Variants in ZNF143 observed in about 807,000 individuals in gnomAD.
ZNF143 encodes the protein SPH-binding factor.
A neutral mutation model predicts 74.1 loss-of-function variants in ZNF143; 49 were observed. The ratio of observed to expected loss-of-function variants is 0.66; its 90% CI spans 0.53 to 0.84. ZNF143 has a LOEUF of 0.84. ZNF143 is among the 40% of genes least tolerant of loss of function. The pLI, the probability that ZNF143 is intolerant of heterozygous loss-of-function variation, is 0.00. For missense variants in ZNF143, 637 were observed against 793.4 expected (o/e 0.80, Z 2.37); for synonymous variants, 304 against 282.8 (o/e 1.07, Z -0.75).
Position 9,528,372 on chromosome 11 carries a change from A to G in ZNF143, c.*759A>G, listed in dbSNP as rs2134303188. 6.6e-6 allele frequency: 1 copy of G among 152,328 alleles called. No homozygotes were observed. Among genetic ancestry groups the G allele is most frequent in the Middle Eastern group, 3.4e-3 (1 of 294 alleles). The allele number at this position is 152,328 out of a possible 1,614,324, so 9.4% of individuals were successfully genotyped here. ...GTTTAACCACAGGCTGGTGCCCGGG[A>G]TAACAGTACTGTAATTGGAAATGGC... On this transcript the variant is annotated 3_prime_UTR_variant, in exon 16 of 16. Transcript: ENST00000396602.
At chr11:9,480,787 T>G in intron 7 of ZNF143, among the ~76,000 whole-genome samples, 1 of 150,906 alleles carries the variant, frequency 6.6e-6, no homozygotes, top group African/African-American at 2.4e-5. Flanking sequence ...CTCAGGAGGC[T>G]GAGGCAGGAG....
intron 11 of ZNF143, among the ~76,000 whole-genome samples, chr11:9,504,974 CTTTT>C (rs111642415): frequency 4.1e-5 from 3 of 73,456 alleles, no homozygotes; most frequent in Admixed American, 1.6e-4. Context: ...CGCCCAGCCT[CTTTT>C]TTTTTTTTTT....
intron 7 of ZNF143, among the ~76,000 whole-genome samples, chr11:9,485,620 A>G (rs965908454): frequency 1.3e-5 from 2 of 151,506 alleles, no homozygotes; most frequent in Admixed American, 6.6e-5. Flanking sequence ...GATTATAGGC[A>G]GGAGCCACCG....
In ZNF143 at chr11:9,510,136, T is replaced by A. The variant is rs10840251; in HGVS notation, c.1375+1290T>A. On this transcript the variant is annotated intron_variant, in intron 12 of 15. Coordinates refer to ENST00000396602, the MANE Select transcript of ZNF143 (RefSeq NM_003442.6). ...TCCTATATTCTTTTTTTTTTTTTTT[T>A]ATTTTTGAGATGGAGTCTCGCTCTG... Among the ~76,000 whole-genome samples, 223 of 150,752 alleles carry A rather than the reference T, an allele frequency of 1.5e-3. 8 individuals are homozygous for A. The East Asian group carries it at 0.038, about 26-fold the overall frequency.
intron 7 of ZNF143, among the ~76,000 whole-genome samples, chr11:9,490,499 T>C (rs930947521): frequency 6.6e-6 from 1 of 151,786 alleles, no homozygotes; most frequent in Non-Finnish European, 1.5e-5. Context: ...TTGCCCAGGC[T>C]GGTTTCCAAC....
chr11:9,474,721 G>A lies in ZNF143; in HGVS notation c.373+88G>A, dbSNP rs1590515023. On this transcript the variant is annotated intron_variant, in intron 5 of 15. Transcript: ENST00000396602. ...ACCTGTGTTTAGCTTCTGAATTGTT[G>A]TCATGGGAAAGAATTGTATTTATTC... 3.1e-6 allele frequency: 4 copies of A among 1,276,692 alleles called. No individual in the cohort carries two copies. The East Asian group carries it at 7.2e-5, about 23-fold the overall frequency. The allele number at this position is 1,276,692 out of a possible 1,614,324, so 79.1% of individuals were successfully genotyped here. A position where few individuals can be genotyped will look rare whatever the true frequency, so the allele number is the denominator to read the frequency against.
At chr11:9,489,800 A>T (rs898063482) in intron 7 of ZNF143, among the ~76,000 whole-genome samples, 1 of 152,148 alleles carries the variant, frequency 6.6e-6, no homozygotes, top group African/African-American at 2.4e-5. Flanking sequence ...CTTAATTTGG[A>T]GTCTTCAATT....
At chr11:9,518,882 T>C (rs770671448) in intron 14 of ZNF143, among the ~76,000 whole-genome samples, 1 of 152,218 alleles carries the variant, frequency 6.6e-6, no homozygotes, top group Non-Finnish European at 1.5e-5. Flanking sequence ...ACTGTACTCT[T>C]GCATTGAGGA....
chr11:9,497,767 G>T lies in ZNF143; in HGVS notation c.934G>T (p.Gly312Ter), dbSNP rs1344269182. ...DNCTKSFKTS[G>*]DLQKHIRTHT... ...TTGTACTAAATCTTTCAAAACTTCA[G>T]GAGATCTACAGAAACACATCAGAAC... Residue 312 changes from glycine (G) to a stop codon, truncating the protein, a stop_gained, in exon 10 of 16, where the codon GGA becomes TGA. Coordinates refer to ENST00000396602, the MANE Select transcript of ZNF143 (RefSeq NM_003442.6). LOFTEE classifies it high-confidence loss of function. 6.2e-7 allele frequency: 1 copy of T among 1,611,210 alleles called. No homozygotes were observed. The highest frequency in any genetic ancestry group is 8.5e-7 in the Non-Finnish European group (1 of 1,178,510).
At chr11:9,461,630 C>G (rs1217624646) in intron 1 of ZNF143, 1 of 151,766 alleles carries the variant, frequency 6.6e-6, no homozygotes, top group East Asian at 1.9e-4. Context: ...CCCCCTCACC[C>G]TTTCTTCTAT....
intron 5 of ZNF143, 126 bp downstream of exon 5, chr11:9,474,759 G>A: frequency 3.9e-6 from 4 of 1,024,594 alleles, no homozygotes; most frequent in Non-Finnish European, 4.3e-6. Flanking sequence ...TAAAGTACAA[G>A]GTGGCAGATT....
At chr11:9,520,688 C>T (rs1174432647) in intron 14 of ZNF143, among the ~76,000 whole-genome samples, 1 of 152,172 alleles carries the variant, frequency 6.6e-6, no homozygotes, top group Non-Finnish European at 1.5e-5. Context: ...ACTCAGGAGG[C>T]TGAGGCAGGA....
intron 12 of ZNF143, among the ~76,000 whole-genome samples, chr11:9,510,714 A>G (rs1397772257): frequency 6.6e-6 from 1 of 151,614 alleles, no homozygotes; most frequent in Non-Finnish European, 1.5e-5. Flanking sequence ...TTAGCATATT[A>G]TGTCCTTTGA....
chr11:9,480,314 A>G (rs905283113), intron 7 of ZNF143, among the ~76,000 whole-genome samples: 4 of 152,142 alleles, frequency 2.6e-5, no homozygotes, highest in South Asian at 2.1e-4. Flanking sequence ...TTGTATAATC[A>G]TTGTAGTACA....
chr11:9,471,382 A>T lies in ZNF143; in HGVS notation c.74A>T (p.His25Leu). The change falls in exon 2 of 16, where the codon CAT becomes CTT. Residue 25 changes from histidine (H) to leucine (L), a missense_variant. By Grantham distance (99) the His-to-Leu change is moderately conservative. Around this residue, in one of 2 missense-constraint regions of ZNF143, gnomAD observed 293 missense variants for 307.8 expected, o/e 0.95. Transcript: ENST00000396602. ...EFPGGGMEAQ[H>L]VTLCLTEAVT... is the part of the protein sequence containing the mutation. ...CCTGGAGGAGGGATGGAGGCGCAAC[A>T]TGTTACGCTGTGCTTGACAGAGGCA... The T allele has an allele frequency of 6.2e-7, 1 of 1,612,964 alleles. No individual in the cohort carries two copies. The highest frequency in any genetic ancestry group is 1.1e-5 in the South Asian group (1 of 90,750).
intron 14 of ZNF143, among the ~76,000 whole-genome samples, chr11:9,524,887 A>G (rs1342057942): frequency 1.3e-5 from 2 of 152,220 alleles, no homozygotes; most frequent in Admixed American, 6.5e-5. Flanking sequence ...TCAGGAAAAA[A>G]AAATGGACAT....
chr11:9,488,323 T>C (rs540972131), intron 7 of ZNF143, among the ~76,000 whole-genome samples: 76 of 152,344 alleles, frequency 5.0e-4, no homozygotes, highest in Admixed American at 2.4e-3. Flanking sequence ...CTTAAAATAT[T>C]TTAATACCTT....
chr11:9,489,084 T>G (rs1178288679), intron 7 of ZNF143, among the ~76,000 whole-genome samples: 1 of 152,202 alleles, frequency 6.6e-6, no homozygotes, highest in Admixed American at 6.5e-5. Flanking sequence ...TTCCAACTAC[T>G]GTATACTGTA....
chr11:9,472,077 C>T (rs1217985707), intron 2 of ZNF143, among the ~76,000 whole-genome samples: 2 of 150,454 alleles, frequency 1.3e-5, no homozygotes, highest in Non-Finnish European at 3.0e-5. Flanking sequence ...TACAGGCACC[C>T]ACCAGCGTGC....
Sources: gnomAD v4.1 joint callset for allele counts (sites outside exome capture counted in the v4.1 genomes callset) on GRCh38, gnomAD v4.1.1 for gene constraint, gnomAD v4.1.1 regional missense constraint, MANE v1.5 for transcripts, NCBI Gene and HGNC (gene_info 2026-07-23, HGNC 2026-07-21) for gene names.